DYM: variants seen among roughly 807,000 people sequenced by gnomAD.
The protein encoded by DYM is dymeclin, also known as dyggve-Melchior-Clausen syndrome protein.
DYM carries 78 observed loss-of-function variants against 93.1 expected under a neutral mutation model. The observed-to-expected ratio is 0.84, with a 90% CI of 0.70 to 1.01. The LOEUF (loss-of-function observed/expected upper bound fraction) is 1.01. Among genes scored for constraint, DYM ranks in the 50% least tolerant of loss-of-function variants. DYM has a pLI of 0.00. For synonymous variants in DYM, 321 were observed against 319.7 expected, an observed-to-expected ratio of 1.00 and a Z score of -0.04; for missense variants, 789 against 845.0, an observed-to-expected ratio of 0.93 and a Z score of 0.82.
intron 14 of DYM, among the ~76,000 whole-genome samples, chr18:49,195,578 A>C (rs1213556925): frequency 6.6e-6 from 1 of 150,982 alleles, no homozygotes; most frequent in Non-Finnish European, 1.5e-5. Flanking sequence ...ATCATAACAG[A>C]ATCTACACTA....
intron 15 of DYM, among the ~76,000 whole-genome samples, chr18:49,146,927 C>G (rs942547114): frequency 4.6e-5 from 7 of 151,892 alleles, no homozygotes; most frequent in Non-Finnish European, 8.8e-5. Context: ...GAGGCATCAC[C>G]CTACCTGACT....
intron 8 of DYM, among the ~76,000 whole-genome samples, chr18:49,287,435 T>C (rs2059734470): frequency 6.6e-6 from 1 of 151,684 alleles, no homozygotes; most frequent in African/African-American, 2.4e-5. Context: ...AAATTCATAG[T>C]GGTCAAACAT....
At chr18:49,310,166 A>G (rs955012868) in intron 8 of DYM, among the ~76,000 whole-genome samples, 2 of 152,236 alleles carry the variant, frequency 1.3e-5, no homozygotes, top group Non-Finnish European at 2.9e-5. Context: ...AATCTAATGT[A>G]TCAAATTTGT....
chr18:49,152,850 A>G (rs2085971470), intron 15 of DYM, among the ~76,000 whole-genome samples: 1 of 152,218 alleles, frequency 6.6e-6, no homozygotes, highest in South Asian at 2.1e-4. Context: ...ACATTATGCT[A>G]AGTAAATGAG....
chr18:49,384,624 C>A (rs1302815129), intron 3 of DYM, among the ~76,000 whole-genome samples: 750 of 126,502 alleles, frequency 5.9e-3, no homozygotes, highest in East Asian at 7.6e-3. Flanking sequence ...CACTCCATCT[C>A]AAAAAAAAAA....
intron 17 of DYM, among the ~76,000 whole-genome samples, chr18:49,047,198 C>T (rs1217862096): frequency 6.6e-6 from 1 of 152,200 alleles, no homozygotes; most frequent in Non-Finnish European, 1.5e-5. Context: ...TCTAGCACTA[C>T]CTAGGCCTAG....
At chr18:49,423,303 A>C (rs549424277) in intron 2 of DYM, among the ~76,000 whole-genome samples, 3 of 152,242 alleles carry the variant, frequency 2.0e-5, no homozygotes, top group Non-Finnish European at 4.4e-5. Context: ...TACTGGGTAC[A>C]TAACAAAAGG....
intron 13 of DYM, among the ~76,000 whole-genome samples, chr18:49,218,452 AT>A (rs1202418528): frequency 6.6e-6 from 1 of 152,160 alleles, no homozygotes; most frequent in African/African-American, 2.4e-5. Flanking sequence ...CAGAATATAC[AT>A]TTTTTTCAGC....
intron 17 of DYM, among the ~76,000 whole-genome samples, chr18:49,053,540 C>A (rs1213894039): frequency 6.6e-6 from 1 of 152,132 alleles, no homozygotes; most frequent in African/African-American, 2.4e-5. Context: ...GCAAGGCAGA[C>A]CAGTAACTGT....
chr18:49,152,448 G>A (rs2085926955), intron 15 of DYM, among the ~76,000 whole-genome samples: 1 of 152,160 alleles, frequency 6.6e-6, no homozygotes, highest in Non-Finnish European at 1.5e-5. Flanking sequence ...TCAAAGTCAG[G>A]CCTGGCTTTT....
intron 16 of DYM, among the ~76,000 whole-genome samples, chr18:49,102,100 C>A (rs1486319483): frequency 6.6e-6 from 1 of 152,178 alleles, no homozygotes; most frequent in Admixed American, 6.5e-5. Flanking sequence ...GTTGCAGCAT[C>A]TACTGCATAG....
chr18:49,090,021 G>A (rs1264041459), intron 17 of DYM, among the ~76,000 whole-genome samples: 2 of 152,172 alleles, frequency 1.3e-5, no homozygotes, highest in African/African-American at 4.8e-5. Context: ...GTGTGTGCAC[G>A]TGTGCATGTC....
intron 6 of DYM, among the ~76,000 whole-genome samples, chr18:49,354,434 G>C (rs1213252426): frequency 6.6e-6 from 1 of 151,920 alleles, no homozygotes; most frequent in Non-Finnish European, 1.5e-5. Flanking sequence ...AAATAACTGA[G>C]AGCAAGGGCC....
chr18:49,147,240 A>ACCC, intron 15 of DYM, among the ~76,000 whole-genome samples: 1 of 152,056 alleles, frequency 6.6e-6, no homozygotes, highest in Admixed American at 6.6e-5. Context: ...AACCATAAAA[A>ACCC]CCCTAGAAGA....
At chr18:49,356,474 C>T (rs897981723) in intron 6 of DYM, among the ~76,000 whole-genome samples, 3 of 152,134 alleles carry the variant, frequency 2.0e-5, no homozygotes, top group Non-Finnish European at 2.9e-5. Flanking sequence ...CCTTGCAACA[C>T]CTAAAACTTA....
At chr18:49,098,261 CA>C (rs1346847213) in intron 16 of DYM, among the ~76,000 whole-genome samples, 1 of 152,118 alleles carries the variant, frequency 6.6e-6, no homozygotes, top group East Asian at 1.9e-4. Context: ...GTCAGACATG[CA>C]AAAATATAAA....
intron 15 of DYM, among the ~76,000 whole-genome samples, chr18:49,133,716 A>T (rs1009566872): frequency 3.3e-5 from 5 of 152,298 alleles, no homozygotes; most frequent in Middle Eastern, 3.4e-3. Flanking sequence ...CATCTGGTAC[A>T]TCTCTCCTGC....
chr18:49,177,049 G>C (rs1261258061), intron 14 of DYM, among the ~76,000 whole-genome samples: 1 of 152,092 alleles, frequency 6.6e-6, no homozygotes, highest in African/African-American at 2.4e-5. Flanking sequence ...TGAGAAAATT[G>C]CACACCAAGG....
intron 5 of DYM, among the ~76,000 whole-genome samples, chr18:49,365,268 C>G (rs573345004): frequency 7.9e-5 from 12 of 152,216 alleles, no homozygotes; most frequent in African/African-American, 2.6e-4. Flanking sequence ...ACAGTAACCC[C>G]GTGAGAGGTA....
Sources: allele counts gnomAD v4.1 joint callset (sites outside exome capture counted in the v4.1 genomes callset), GRCh38; gene constraint gnomAD v4.1.1; transcripts MANE v1.5; gene names NCBI Gene and HGNC (gene_info 2026-07-23, HGNC 2026-07-21).